KCNAB1: variants seen among roughly 807,000 people sequenced by gnomAD.
The protein encoded by KCNAB1 is potassium voltage-gated channel subfamily A regulatory beta subunit 1.
A neutral mutation model predicts 64.6 loss-of-function variants in KCNAB1; 35 were observed. The observed-to-expected ratio is 0.54, with a 90% CI of 0.41 to 0.72. The LOEUF (loss-of-function observed/expected upper bound fraction) is 0.72. Among genes scored for constraint, KCNAB1 ranks in the 30% least tolerant of loss-of-function variants. KCNAB1 has a pLI of 0.00. For synonymous variants in KCNAB1, 177 were observed against 183.8 expected (o/e 0.96, Z 0.30); for missense variants, 401 against 512.9 (o/e 0.78, Z 2.11).
chr3:156,477,987 T>C (rs1714496988), intron 8 of KCNAB1, among the ~76,000 whole-genome samples: 1 of 152,202 alleles, frequency 6.6e-6, no homozygotes, highest in East Asian at 1.9e-4. Context: ...AGGAAGACTA[T>C]CAGTGTTTCT....
chr3:156,269,376 G>T (rs1276573631), intron 1 of KCNAB1, among the ~76,000 whole-genome samples: 1 of 152,130 alleles, frequency 6.6e-6, no homozygotes, highest in Non-Finnish European at 1.5e-5. Flanking sequence ...TCAGTTTTTT[G>T]AATATTTTAA....
intron 1 of KCNAB1, among the ~76,000 whole-genome samples, chr3:156,149,819 T>C (rs1332378776): frequency 1.3e-5 from 2 of 152,178 alleles, no homozygotes; most frequent in Non-Finnish European, 2.9e-5. Flanking sequence ...TGCACTTACT[T>C]TCATCCTCCC....
At chr3:156,340,034 A>G (rs1415235213) in intron 1 of KCNAB1, among the ~76,000 whole-genome samples, 1 of 152,234 alleles carries the variant, frequency 6.6e-6, no homozygotes, top group Non-Finnish European at 1.5e-5. Flanking sequence ...TCTGAAGTTC[A>G]AATGCTAGTA....
intron 1 of KCNAB1, among the ~76,000 whole-genome samples, chr3:156,162,125 G>T (rs1716119509): frequency 6.6e-6 from 1 of 152,014 alleles, no homozygotes. Flanking sequence ...TTTAGGATTG[G>T]GCACATAACA....
At chr3:156,515,263 A>C in intron 10 of KCNAB1, 43 bp downstream of exon 10, 2 of 1,555,344 alleles carry the variant, frequency 1.3e-6, no homozygotes, top group Non-Finnish European at 1.7e-6. Context: ...TTAACAAGAG[A>C]AAGATCACTG....
intron 1 of KCNAB1, among the ~76,000 whole-genome samples, chr3:156,300,584 G>A (rs562989137): frequency 5.9e-4 from 89 of 152,064 alleles, no homozygotes; most frequent in African/African-American, 9.4e-4. Flanking sequence ...ATGTCCTTTC[G>A]TCTGCATGCC....
chr3:156,182,964 C>A (rs1312861635), intron 1 of KCNAB1, among the ~76,000 whole-genome samples: 3 of 152,138 alleles, frequency 2.0e-5, no homozygotes, highest in Non-Finnish European at 4.4e-5. Flanking sequence ...TCCCAAAGTG[C>A]TGGGATTACA....
intron 1 of KCNAB1, among the ~76,000 whole-genome samples, chr3:156,250,917 G>A (rs2108464304): frequency 6.6e-6 from 1 of 152,356 alleles, no homozygotes; most frequent in Admixed American, 6.5e-5. Flanking sequence ...TTTTATGAAT[G>A]TGGGAGGGAG....
chr3:156,357,159 GCACACACA>G (rs112441885), intron 1 of KCNAB1, among the ~76,000 whole-genome samples: 1 of 147,314 alleles, frequency 6.8e-6, no homozygotes, highest in East Asian at 2.0e-4. Context: ...ACATGTGCGC[GCACACACA>G]CACACACACA....
At chr3:156,152,385 G>A (rs1277158907) in intron 1 of KCNAB1, among the ~76,000 whole-genome samples, 1 of 152,182 alleles carries the variant, frequency 6.6e-6, no homozygotes, top group Non-Finnish European at 1.5e-5. Flanking sequence ...ACCATCCCAA[G>A]AGGCTGAAGT....
Position 156,211,665 on chromosome 3 carries a change from A to G in KCNAB1, c.275+90779A>G, listed in dbSNP as rs191164703. Among the ~76,000 whole-genome samples, 423 of 152,326 alleles carry G rather than the reference A, an allele frequency of 2.8e-3. 3 individuals carry two copies. Among genetic ancestry groups the G allele is most frequent in the African/African-American group, 9.4e-3 (391 of 41,574 alleles). Reference sequence around the variant, plus strand: ...ATGGAAATAGATGATTCAGTAACGGAAAACTCAGCCAATTTACTTACCCAT... The same window carrying G: ...ATGGAAATAGATGATTCAGTAACGGGAAACTCAGCCAATTTACTTACCCAT... On this transcript the variant is annotated intron_variant, in intron 1 of 13. Transcript: ENST00000490337.
chr3:156,263,183 ACTTT>A (rs1233508831), intron 1 of KCNAB1, among the ~76,000 whole-genome samples: 1 of 151,380 alleles, frequency 6.6e-6, no homozygotes, highest in Non-Finnish European at 1.5e-5. Context: ...TTTACTTTTC[ACTTT>A]CTTTTTTAGT....
At chr3:156,181,072 C>T (rs6441045) in intron 1 of KCNAB1, among the ~76,000 whole-genome samples, 112,148 of 152,134 alleles carry the variant, frequency 0.74, 41,616 homozygotes, top group East Asian at 0.9. Context: ...TGTATTGTAA[C>T]CTCCTTTTCT....
intron 2 of KCNAB1, among the ~76,000 whole-genome samples, chr3:156,449,929 C>T (rs1461335517): frequency 6.6e-6 from 1 of 152,172 alleles, no homozygotes; most frequent in Non-Finnish European, 1.5e-5. Context: ...ATCTTCACTG[C>T]TAAGCAGAGA....
intron 2 of KCNAB1, among the ~76,000 whole-genome samples, chr3:156,451,268 C>T (rs1043154486): frequency 6.6e-6 from 1 of 152,182 alleles, no homozygotes. Flanking sequence ...CATCTGCAAC[C>T]TCTGGATACG....
At chr3:156,207,949 G>C (rs185895543) in intron 1 of KCNAB1, among the ~76,000 whole-genome samples, 13 of 152,290 alleles carry the variant, frequency 8.5e-5, no homozygotes, top group African/African-American at 3.1e-4. Flanking sequence ...AAACAACTCA[G>C]CTTCTTTTGG....
intron 1 of KCNAB1, among the ~76,000 whole-genome samples, chr3:156,327,140 G>A (rs1261025728): frequency 1.3e-5 from 2 of 152,140 alleles, no homozygotes; most frequent in Non-Finnish European, 1.5e-5. Flanking sequence ...TGTCTCTATG[G>A]TTGTGATTCA....
chr3:156,480,827 G>T lies in KCNAB1; in HGVS notation c.658+6007G>T, dbSNP rs571005372. On this transcript the variant is annotated intron_variant, in intron 8 of 13. Coordinates refer to ENST00000490337, the MANE Select transcript of KCNAB1 (RefSeq NM_172160.3). ...GTAGCTACTGTACTTGACCACGCAG[G>T]CTTATAAACCATATTCCCAGTCTGA... 4.6e-5 allele frequency among the ~76,000 whole-genome samples: 7 copies of T among 152,166 alleles called. No individual in the cohort carries two copies. The East Asian group carries it at 9.7e-4, about 21-fold the overall frequency.
At position 156,153,241 on chromosome 3, in the gene KCNAB1, C is replaced by T. The variant is rs560480131; in HGVS notation, c.275+32355C>T. ...TCACTTCCTAACTTTCTCTCTTTAC[C>T]AAAAATCCAAGTATCCTTATTTGAG... On this transcript the variant is annotated intron_variant, in intron 1 of 13. Transcript: ENST00000490337. 7.2e-5 allele frequency among the ~76,000 whole-genome samples: 11 copies of T among 152,262 alleles called. No individual in the cohort carries two copies. In the South Asian group the frequency reaches 1.2e-3, roughly 17 times the overall value.
Sources: gnomAD v4.1 joint callset for allele counts (sites outside exome capture counted in the v4.1 genomes callset) on GRCh38, gnomAD v4.1.1 for gene constraint, MANE v1.5 for transcripts, NCBI Gene and HGNC (gene_info 2026-07-23, HGNC 2026-07-21) for gene names.